KSR2: variants seen among roughly 807,000 people sequenced by gnomAD.
The protein encoded by KSR2 is kinase suppressor of ras 2.
Under a neutral mutation model 107.8 loss-of-function variants are expected in KSR2, and 25 were observed. The ratio of observed to expected loss-of-function variants is 0.23; its 90% CI spans 0.17 to 0.32. The LOEUF is 0.32. KSR2 is among the 10% of genes least tolerant of loss of function. KSR2 has a pLI of 1.00. For synonymous variants in KSR2, 480 were observed against 507.0 expected, an observed-to-expected ratio of 0.95 and a Z score of 0.71; for missense variants, 887 against 1,268.9, an observed-to-expected ratio of 0.70 and a Z score of 4.57.
Position 117,897,124 on chromosome 12 carries a change from A to G in KSR2, c.181-36693T>C, listed in dbSNP as rs1894538367. The stretch of plus-strand genomic sequence containing the variant: ...CCGGGACTGATGTTCAGCTTGAGGG[A>G]GTAGCGGAGCAGCCACGTGTTCGTC... On this transcript the variant is annotated intron_variant, in intron 1 of 19. Coordinates refer to ENST00000339824, the MANE Select transcript of KSR2 (RefSeq NM_173598.6). This position sits in a 1 kb window ranked among gnomAD's most constrained non-coding sequence, Gnocchi z 4.5. 6.6e-6 allele frequency among the ~76,000 whole-genome samples: 1 copy of G among 152,166 alleles called. No homozygotes were observed. Among genetic ancestry groups the G allele is most frequent in the Non-Finnish European group, 1.5e-5 (1 of 68,028 alleles).
chr12:117,559,324 C>G (rs887347689), intron 7 of KSR2, among the ~76,000 whole-genome samples: 5 of 152,188 alleles, frequency 3.3e-5, no homozygotes, highest in Non-Finnish European at 5.9e-5. Context: ...ACACGGACTT[C>G]ACGTTTTAAA....
Position 117,761,040 on chromosome 12 carries a change from C to A in KSR2, c.957G>T (p.Gly319=), listed in dbSNP as rs754866909. 3.7e-6 allele frequency: 6 copies of A among 1,613,622 alleles called. 1 individual carries two copies. The highest frequency in any genetic ancestry group is 3.3e-4 in the Middle Eastern group (2 of 6,080). The part of the protein sequence containing the change: ...HRSKSHEFQL[G]HRVDEAHTPK... ...GCGTGTGGGCCTCGTCCACGCGGTG[C>A]CCCAGCTGGAACTCGTGGGATTTGC... Residue 319 remains glycine (G), a synonymous_variant, in exon 4 of 20, where the codon GGG becomes GGT. Transcript: ENST00000339824.
chr12:117,770,976 CAAA>C (rs61641342), intron 3 of KSR2, among the ~76,000 whole-genome samples: 1 of 66,222 alleles, frequency 1.5e-5, no homozygotes, highest in South Asian at 5.6e-4. Context: ...GACTCCGTCT[CAAA>C]AAAAAAAAAA....
intron 5 of KSR2, among the ~76,000 whole-genome samples, chr12:117,612,242 G>C (rs1881644599): frequency 6.6e-6 from 1 of 151,856 alleles, no homozygotes; most frequent in Non-Finnish European, 1.5e-5. Flanking sequence ...CGTTTCTACT[G>C]AAATACAAAA....
chr12:117,509,437 G>A (rs1873901031), intron 14 of KSR2, among the ~76,000 whole-genome samples: 1 of 152,230 alleles, frequency 6.6e-6, no homozygotes, highest in Non-Finnish European at 1.5e-5. Flanking sequence ...AAAGAGAGCA[G>A]GGAGGTAGGA....
Position 117,466,582 on chromosome 12 carries a change from G to A in KSR2, c.*617C>T, listed in dbSNP as rs1479884481. 1 of 152,370 alleles carries A rather than the reference G, an allele frequency of 6.6e-6. No homozygotes were observed. The highest frequency in any genetic ancestry group is 2.4e-5 in the African/African-American group (1 of 41,442). 9.4% of individuals were successfully genotyped at this position (152,370 alleles called of 1,614,324 possible). On this transcript the variant is annotated 3_prime_UTR_variant, in exon 20 of 20. Coordinates refer to ENST00000339824, the MANE Select transcript of KSR2 (RefSeq NM_173598.6). The stretch of plus-strand genomic sequence containing the variant: ...CCACACGCCATGACAGGCTCGGGTT[G>A]GGGTGTCTGAAAACAGATATTTCCA...
chr12:117,956,568 G>A (rs1461235142), intron 1 of KSR2, among the ~76,000 whole-genome samples: 6 of 151,866 alleles, frequency 4.0e-5, no homozygotes, highest in Non-Finnish European at 8.8e-5. Flanking sequence ...ACTTTGTCTC[G>A]CTAAAAAATA....
intron 1 of KSR2, among the ~76,000 whole-genome samples, chr12:117,934,341 G>A (rs974345651): frequency 1.2e-4 from 18 of 152,130 alleles, no homozygotes; most frequent in African/African-American, 4.3e-4. Context: ...CTCCTGGCTG[G>A]TGAATAGGAT....
intron 1 of KSR2, among the ~76,000 whole-genome samples, chr12:117,895,611 C>A (rs1894485675): frequency 6.6e-6 from 1 of 152,110 alleles, no homozygotes. Flanking sequence ...GTGGTGAATG[C>A]AGAACCCTCC....
rs2393255 is a variant in KSR2, at chr12:117,725,082, T to A, written c.986+35929A>T. ...TTAATTCCCTCTCTCTCTCTCTCTC[T>A]CTCACACACACACACACACACACAC... On this transcript the variant is annotated intron_variant, in intron 4 of 19. Coordinates refer to ENST00000339824, the MANE Select transcript of KSR2 (RefSeq NM_173598.6). Among the ~76,000 whole-genome samples, 1,099 of 139,724 alleles carry A rather than the reference T, an allele frequency of 7.9e-3. 15 individuals are homozygous for A. Among genetic ancestry groups the A allele is most frequent in the African/African-American group, 0.028 (1,033 of 37,074 alleles). 91.7% of individuals were successfully genotyped at this position (139,724 alleles called of 152,430 possible). A position where few individuals can be genotyped will look rare whatever the true frequency, so the allele number is the denominator to read the frequency against.
intron 1 of KSR2, among the ~76,000 whole-genome samples, chr12:117,923,879 CTTTT>C (rs547713240): frequency 7.4e-6 from 1 of 135,478 alleles, no homozygotes; most frequent in African/African-American, 2.7e-5. Flanking sequence ...TATATATTTG[CTTTT>C]TTTTTTTTTT....
chr12:117,798,436 C>G (rs1890710568), intron 3 of KSR2, among the ~76,000 whole-genome samples: 1 of 152,186 alleles, frequency 6.6e-6, no homozygotes, highest in African/African-American at 2.4e-5. Context: ...AGTTGGAGAC[C>G]AGCCTGGGCA....
At chr12:117,925,210 A>G (rs1167356409) in intron 1 of KSR2, among the ~76,000 whole-genome samples, 1 of 149,372 alleles carries the variant, frequency 6.7e-6, no homozygotes, top group African/African-American at 2.5e-5. Flanking sequence ...TGCATCCTCC[A>G]CCTCCCAGGC....
chr12:117,855,826 C>T (rs1005899420), intron 2 of KSR2, among the ~76,000 whole-genome samples: 4 of 152,124 alleles, frequency 2.6e-5, no homozygotes, highest in South Asian at 4.1e-4. Flanking sequence ...GGCAAGGTAG[C>T]GCAGGTGCTT....
At chr12:117,852,020 T>A (rs1892944411) in intron 3 of KSR2, among the ~76,000 whole-genome samples, 1 of 152,092 alleles carries the variant, frequency 6.6e-6, no homozygotes, top group African/African-American at 2.4e-5. Flanking sequence ...GCTATAATTG[T>A]GTATGTGTAT....
chr12:117,877,501 A>T (rs1893894993), intron 1 of KSR2, among the ~76,000 whole-genome samples: 2 of 152,170 alleles, frequency 1.3e-5, no homozygotes, highest in South Asian at 4.1e-4. Context: ...TTACTGATAA[A>T]TTATTATACA....
intron 14 of KSR2, among the ~76,000 whole-genome samples, chr12:117,516,641 T>A (rs1201920622): frequency 6.6e-6 from 1 of 152,184 alleles, no homozygotes; most frequent in East Asian, 1.9e-4. Flanking sequence ...CTAATTCTTA[T>A]CACCATCTTG....
At chr12:117,840,321 C>A (rs1892416221) in intron 3 of KSR2, among the ~76,000 whole-genome samples, 1 of 152,078 alleles carries the variant, frequency 6.6e-6, no homozygotes, top group Non-Finnish European at 1.5e-5. Flanking sequence ...TGTTCTTGAA[C>A]TCCTGACCCC....
chr12:117,809,756 G>A (rs551148632), intron 3 of KSR2, among the ~76,000 whole-genome samples: 8 of 152,176 alleles, frequency 5.3e-5, no homozygotes, highest in South Asian at 4.2e-4. Flanking sequence ...TATCCCTCAC[G>A]CCCAGCCCAG....
Sources: allele counts gnomAD v4.1 joint callset (sites outside exome capture counted in the v4.1 genomes callset), GRCh38; gene constraint gnomAD v4.1.1; non-coding constraint Gnocchi (gnomAD v3.1); transcripts MANE v1.5; gene names NCBI Gene and HGNC (gene_info 2026-07-23, HGNC 2026-07-21).